The following PCDHGA9 variants were observed in gnomAD, a reference collection of about 807,000 sequenced individuals.
PCDHGA9 encodes the protein protocadherin gamma subfamily A, 9, also known as protocadherin gamma-A9.
In PCDHGA9, 37 loss-of-function variants were observed where a neutral mutation model predicts 62.5. That is an observed-to-expected ratio of 0.59 (90% CI 0.46 to 0.78). PCDHGA9 has a LOEUF of 0.78. PCDHGA9 is among the 30% of genes least tolerant of loss of function. The pLI, the probability that PCDHGA9 is intolerant of heterozygous loss-of-function variation, is 0.00. For missense variants in PCDHGA9, 1,138 were observed against 1,166.2 expected, an observed-to-expected ratio of 0.98 and a Z score of 0.35; for synonymous variants, 459 against 484.6, an observed-to-expected ratio of 0.95 and a Z score of 0.69.
intron 1 of PCDHGA9, chr5:141,408,333 G>T (rs746692686): frequency 3.7e-6 from 6 of 1,613,924 alleles, no homozygotes; most frequent in Admixed American, 3.3e-5. Flanking sequence ...CTGGCCAAGG[G>T]CTCGGTGGTG....
intron 1 of PCDHGA9, chr5:141,433,240 C>A (rs533423214): frequency 1.3e-6 from 2 of 1,488,038 alleles, no homozygotes; most frequent in Non-Finnish European, 1.8e-6. Flanking sequence ...GTCTCCCAAG[C>A]TGGAATGCAG....
chr5:141,457,899 C>CA (rs2098931976), intron 1 of PCDHGA9, among the ~76,000 whole-genome samples: 1 of 148,818 alleles, frequency 6.7e-6, no homozygotes, highest in Admixed American at 6.7e-5. Context: ...ACTGTGTAGA[C>CA]AAGGTGTGAG....
chr5:141,485,105 G>A lies in PCDHGA9; in HGVS notation c.2425-9702G>A. On this transcript the variant is annotated intron_variant, in intron 1 of 3. Transcript: ENST00000573521. The surrounding 1 kb of genome is among the most constrained non-coding windows in gnomAD (Gnocchi z 5.7). ...AGGGAGATAGGTGTCTCCAGCTGCT[G>A]TGGCTGTTTGGGGCGGGTCGGCTTC... 8.3e-7 allele frequency: 1 copy of A among 1,205,940 alleles called. No individual in the cohort carries two copies. Among genetic ancestry groups the A allele is most frequent in the Non-Finnish European group, 1.2e-6 (1 of 827,784 alleles). The allele number at this position is 1,205,940 out of a possible 1,614,324, so 74.7% of individuals were successfully genotyped here.
intron 1 of PCDHGA9, chr5:141,421,352 AGG>A: frequency 6.2e-7 from 1 of 1,613,946 alleles, no homozygotes; most frequent in Non-Finnish European, 8.5e-7. Context: ...GAGACCGAAA[AGG>A]GCTCCTTCGT....
chr5:141,479,845 A>T (rs895639749), intron 1 of PCDHGA9, among the ~76,000 whole-genome samples: 4 of 152,210 alleles, frequency 2.6e-5, no homozygotes, highest in Admixed American at 1.3e-4. Flanking sequence ...ATGCAAGGTG[A>T]CTGCAAGGCC....
chr5:141,415,301 T>C, intron 1 of PCDHGA9: 1 of 1,614,230 alleles, frequency 6.2e-7, no homozygotes, highest in South Asian at 1.1e-5. Context: ...TGCGTCTTCC[T>C]GGCCTTCGTC....
intron 1 of PCDHGA9, chr5:141,433,012 G>A (rs1402902269): frequency 2.5e-6 from 4 of 1,614,054 alleles, no homozygotes; most frequent in Non-Finnish European, 3.4e-6. Flanking sequence ...CTTTCCTGCA[G>A]ACCTATTCCC....
intron 1 of PCDHGA9, chr5:141,441,650 G>C (rs932742795): frequency 8.4e-6 from 2 of 238,510 alleles, no homozygotes; most frequent in African/African-American, 2.4e-5. Context: ...TGTGATTCTA[G>C]GTGTCCTTGA....
chr5:141,462,657 T>G (rs949098251), intron 1 of PCDHGA9, among the ~76,000 whole-genome samples: 1 of 152,164 alleles, frequency 6.6e-6, no homozygotes, highest in East Asian at 1.9e-4. Flanking sequence ...TCCTCAATTA[T>G]CTTCATATTT....
chr5:141,496,103 C>G (rs779317844), intron 2 of PCDHGA9, among the ~76,000 whole-genome samples: 1 of 152,100 alleles, frequency 6.6e-6, no homozygotes, highest in Non-Finnish European at 1.5e-5. Flanking sequence ...ACCAACACCC[C>G]GCTCTCTTCC....
At chr5:141,456,099 G>A (rs1428094221) in intron 1 of PCDHGA9, among the ~76,000 whole-genome samples, 5 of 151,980 alleles carry the variant, frequency 3.3e-5, no homozygotes, top group East Asian at 1.9e-4. Flanking sequence ...GGATTTCACC[G>A]TGTTAGCCAG....
chr5:141,500,062 TAA>T (rs1314388217), intron 2 of PCDHGA9, among the ~76,000 whole-genome samples: 1 of 152,144 alleles, frequency 6.6e-6, no homozygotes, highest in East Asian at 1.9e-4. Flanking sequence ...TCTTTTAATG[TAA>T]AAGACTTCCC....
intron 1 of PCDHGA9, chr5:141,441,917 A>G (rs979307331): frequency 3.1e-5 from 11 of 352,364 alleles, no homozygotes; most frequent in African/African-American, 2.0e-4. Context: ...GATGTGAGAC[A>G]CAATGCGTGG....
In PCDHGA9 at chr5:141,485,961, A is replaced by C. The variant is rs766687554; in HGVS notation, c.2425-8846A>C. ...GCACCAGCGGGCATGGTGCTCATCC[A>C]GCTCAATGCCTCAGACCCGGACCTG... On this transcript the variant is annotated intron_variant, in intron 1 of 3. Coordinates refer to ENST00000573521, the MANE Select transcript of PCDHGA9 (RefSeq NM_018921.3). The surrounding 1 kb of genome is among the most constrained non-coding windows in gnomAD (Gnocchi z 5.7). 6.2e-7 allele frequency: 1 copy of C among 1,614,204 alleles called. No homozygotes were observed. The highest frequency in any genetic ancestry group is 1.1e-5 in the South Asian group (1 of 91,090).
At position 141,490,108 on chromosome 5, in the gene PCDHGA9, C is replaced by T. The variant is rs566655929; in HGVS notation, c.2425-4699C>T. 1.4e-5 allele frequency: 22 copies of T among 1,614,244 alleles called. No individual in the cohort carries two copies. Among genetic ancestry groups the T allele is most frequent in the South Asian group, 5.5e-5 (5 of 91,090 alleles). The stretch of plus-strand genomic sequence containing the variant: ...TGGAGACCACACATCTGAGGCAGTG[C>T]GGAACCTCTTTGGCCTAGACCCTAG... On this transcript the variant is annotated intron_variant, in intron 1 of 3. Coordinates refer to ENST00000573521, the MANE Select transcript of PCDHGA9 (RefSeq NM_018921.3). This position sits in a 1 kb window ranked among gnomAD's most constrained non-coding sequence, Gnocchi z 5.4.
In PCDHGA9 at chr5:141,419,882, T is replaced by A. The variant is rs145814583; in HGVS notation, c.2424+14506T>A. ...TAGCTTGCAAGAGGTACTGCCGGAT[T>A]TCAGCGACCATCCCACACCCTCTGA... On this transcript the variant is annotated intron_variant, in intron 1 of 3. Transcript: ENST00000573521. The A allele has an allele frequency of 4.9e-3, 7,980 of 1,614,092 alleles. 44 individuals carry two copies. Among genetic ancestry groups the A allele is most frequent in the Admixed American group, 9.4e-3 (567 of 60,032 alleles).
chr5:141,490,184 TC>T lies in PCDHGA9; in HGVS notation c.2425-4622del, dbSNP rs1293752541. The T allele has an allele frequency of 1.2e-6, 2 of 1,614,196 alleles. No individual in the cohort carries two copies. The highest frequency in any genetic ancestry group is 1.7e-6 in the Non-Finnish European group (2 of 1,180,030). On this transcript the variant is annotated intron_variant, in intron 1 of 3. Coordinates refer to ENST00000573521, the MANE Select transcript of PCDHGA9 (RefSeq NM_018921.3). This position sits in a 1 kb window ranked among gnomAD's most constrained non-coding sequence, Gnocchi z 5.4. The stretch of plus-strand genomic sequence containing the variant: ...CCCATAGACTTTGAGGAGTCACGTT[TC>T]TATGAAATTCATGCAAGAGCCCGTG...
At chr5:141,501,516 C>T (rs763346187) in intron 2 of PCDHGA9, among the ~76,000 whole-genome samples, 1 of 152,010 alleles carries the variant, frequency 6.6e-6, no homozygotes, top group African/African-American at 2.4e-5. Context: ...GGCCTCCAAG[C>T]TGAAGCCCAG....
At chr5:141,443,631 T>C (rs541727440) in intron 1 of PCDHGA9, among the ~76,000 whole-genome samples, 1 of 152,332 alleles carries the variant, frequency 6.6e-6, no homozygotes, top group South Asian at 2.1e-4. Context: ...ATTGTAAAAA[T>C]TGATCCAGAT....
Sources: allele counts gnomAD v4.1 joint callset (sites outside exome capture counted in the v4.1 genomes callset), GRCh38; gene constraint gnomAD v4.1.1; non-coding constraint Gnocchi (gnomAD v3.1); transcripts MANE v1.5; gene names NCBI Gene and HGNC (gene_info 2026-07-23, HGNC 2026-07-21).